Variants in CD47 observed in about 807,000 individuals in gnomAD.
CD47 encodes CD47 molecule.
CD47 carries 11 observed loss-of-function variants against 44.6 expected under a neutral mutation model. The observed-to-expected ratio is 0.25, with a 90% CI of 0.16 to 0.41. CD47 has a LOEUF of 0.41. CD47 is among the 10% of genes least tolerant of loss of function. The pLI, the probability that CD47 is intolerant of heterozygous loss-of-function variation, is 1.00. For missense variants in CD47, 306 were observed against 386.7 expected (o/e 0.79, Z 1.75); for synonymous variants, 140 against 136.3 (o/e 1.03, Z -0.19).
chr3:108,080,085 C>T lies in CD47; in HGVS notation c.306G>A (p.Lys102=), dbSNP rs2079387756. The T allele has an allele frequency of 6.2e-7, 1 of 1,613,158 alleles. No individual in the cohort carries two copies. Among genetic ancestry groups the T allele is most frequent in the Non-Finnish European group, 8.5e-7 (1 of 1,179,248 alleles). The change falls in exon 2 of 11, where the codon AAG becomes AAA. Residue 102 remains lysine, a synonymous_variant. Coordinates refer to ENST00000361309, the MANE Select transcript of CD47 (RefSeq NM_001777.4). ...LKGDASLKMD[K]SDAVSHTGNY... ...TTCCTGTGTGTGAGACAGCATCACT[C>T]TTATCCATCTTCAAAGAGGCATCTC...
chr3:108,064,934 T>C lies in CD47; in HGVS notation c.491-4082A>G, dbSNP rs1252046308. Among the ~76,000 whole-genome samples, 3 of 152,330 alleles carry C rather than the reference T, an allele frequency of 2.0e-5. No individual in the cohort carries two copies. In the East Asian group the frequency reaches 5.8e-4, roughly 29 times the overall value. On this transcript the variant is annotated intron_variant, in intron 3 of 10. Coordinates refer to ENST00000361309, the MANE Select transcript of CD47 (RefSeq NM_001777.4). ...CTTTACACATAAAATTACAATTTCATTTTTTAAATTGTTTAAATTTAAATT... is the reference window on the plus strand; with the variant it reads ...CTTTACACATAAAATTACAATTTCACTTTTTAAATTGTTTAAATTTAAATT...
rs955543314 is a variant in CD47, at chr3:108,088,746, T to C, written c.46+2117A>G. ...TAGCTAATAAATACCACTGAAACTA[T>C]GCACTTTTAAACAAAGTATAATTGT... On this transcript the variant is annotated intron_variant, in intron 1 of 10. Coordinates refer to ENST00000361309, the MANE Select transcript of CD47 (RefSeq NM_001777.4). Among the ~76,000 whole-genome samples, 6 of 152,248 alleles carry C rather than the reference T, an allele frequency of 3.9e-5. No homozygotes were observed. The South Asian group carries it at 8.3e-4, about 21-fold the overall frequency.
chr3:108,084,616 C>G (rs2079482862), intron 1 of CD47, among the ~76,000 whole-genome samples: 1 of 152,128 alleles, frequency 6.6e-6, no homozygotes. Flanking sequence ...TGCACTTCCA[C>G]TTGGATGTAA....
intron 3 of CD47, among the ~76,000 whole-genome samples, chr3:108,070,002 CCT>C (rs752106856): frequency 6.6e-6 from 1 of 152,118 alleles, no homozygotes; most frequent in Non-Finnish European, 1.5e-5. Context: ...CTTTCTTCCC[CCT>C]TTTTTCCTTT....
intron 2 of CD47, 78 bp from the exon 3 acceptor site, chr3:108,071,260 G>A: frequency 1.5e-6 from 1 of 658,034 alleles, no homozygotes; most frequent in Non-Finnish European, 2.6e-6. Context: ...TATAATACAT[G>A]CTTTATTATA....
At chr3:108,063,642 CA>C (rs1224072366) in intron 3 of CD47, among the ~76,000 whole-genome samples, 2 of 151,476 alleles carry the variant, frequency 1.3e-5, no homozygotes, top group African/African-American at 2.4e-5. Flanking sequence ...TTAAATGCAG[CA>C]AAAAAAATAA....
intron 1 of CD47, among the ~76,000 whole-genome samples, chr3:108,086,290 A>G (rs1479323659): frequency 6.6e-6 from 1 of 152,104 alleles, no homozygotes; most frequent in East Asian, 1.9e-4. Flanking sequence ...TAAAGGAAGG[A>G]CTGAGGGCAG....
chr3:108,054,510 TCTG>T (rs1260797232), intron 7 of CD47: 1 of 152,234 alleles, frequency 6.6e-6, no homozygotes, highest in Non-Finnish European at 1.5e-5. Context: ...TATTACGATT[TCTG>T]CTGCTACCAT....
At chr3:108,063,163 T>C (rs1227582918) in intron 3 of CD47, among the ~76,000 whole-genome samples, 1 of 152,208 alleles carries the variant, frequency 6.6e-6, no homozygotes, top group East Asian at 1.9e-4. Context: ...GTAGTTTTGG[T>C]TCCTGTTGAT....
chr3:108,083,625 T>C (rs1275402661), intron 1 of CD47, among the ~76,000 whole-genome samples: 1 of 152,070 alleles, frequency 6.6e-6, no homozygotes, highest in Admixed American at 6.6e-5. Flanking sequence ...TACAGATTTC[T>C]AAGAAAATTC....
rs1332502435 is a variant in CD47, at chr3:108,044,037, G to A, written c.*3251C>T. ...AAATAAAATACAATAAAAAATAAAC[G>A]GTTGCCCGACAATCATTTCTCCAGT... On this transcript the variant is annotated 3_prime_UTR_variant, in exon 11 of 11. Coordinates refer to ENST00000361309, the MANE Select transcript of CD47 (RefSeq NM_001777.4). 2 of 152,528 alleles carry A rather than the reference G, an allele frequency of 1.3e-5. No homozygotes were observed. The highest frequency in any genetic ancestry group is 4.8e-5 in the African/African-American group (2 of 41,426). The allele number at this position is 152,528 out of a possible 1,614,324, so 9.4% of individuals were successfully genotyped here.
chr3:108,046,301 T>C lies in CD47; in HGVS notation c.*987A>G, dbSNP rs1407487323. ...TTGTTGCCATGCAGGAGACTCATAG[T>C]TCAAATTTCAATCTTGCTTTTTTCA... On this transcript the variant is annotated 3_prime_UTR_variant, in exon 11 of 11. Coordinates refer to ENST00000361309, the MANE Select transcript of CD47 (RefSeq NM_001777.4). 2.0e-5 allele frequency: 3 copies of C among 152,638 alleles called. No homozygotes were observed. Among genetic ancestry groups the C allele is most frequent in the African/African-American group, 7.2e-5 (3 of 41,446 alleles). The allele number at this position is 152,638 out of a possible 1,614,324, so 9.5% of individuals were successfully genotyped here.
intron 3 of CD47, among the ~76,000 whole-genome samples, chr3:108,065,760 C>T (rs1043668955): frequency 3.3e-4 from 44 of 133,104 alleles, no homozygotes; most frequent in African/African-American, 1.2e-3. Context: ...TGCAGTGAGC[C>T]GAGATCACGC....
At chr3:108,050,362 C>T (rs944193827) in intron 9 of CD47, among the ~76,000 whole-genome samples, 5 of 152,242 alleles carry the variant, frequency 3.3e-5, no homozygotes, top group African/African-American at 4.8e-5. Flanking sequence ...GTGATCTGCC[C>T]GCCTTGGCCT....
chr3:108,049,189 C>T (rs1433378811), intron 10 of CD47, among the ~76,000 whole-genome samples: 1 of 149,958 alleles, frequency 6.7e-6, no homozygotes, highest in South Asian at 2.1e-4. Context: ...AACCAAGCTC[C>T]TGATTGGAAA....
chr3:108,073,987 GA>G, intron 2 of CD47, among the ~76,000 whole-genome samples: 1 of 152,348 alleles, frequency 6.6e-6, no homozygotes, highest in Middle Eastern at 3.4e-3. Context: ...TTTCATCACA[GA>G]GAGGTATAAA....
chr3:108,061,414 CA>C (rs2079014372), intron 3 of CD47, among the ~76,000 whole-genome samples: 1 of 151,674 alleles, frequency 6.6e-6, no homozygotes, highest in African/African-American at 2.4e-5. Flanking sequence ...AATTAGTAAA[CA>C]ATCTGGAAAT....
chr3:108,074,501 A>G (rs1413479052), intron 2 of CD47, among the ~76,000 whole-genome samples: 2 of 151,910 alleles, frequency 1.3e-5, no homozygotes, highest in African/African-American at 4.8e-5. Flanking sequence ...TTTGGTAGAG[A>G]CAGGGTTTTA....
At chr3:108,062,790 C>T (rs549311324) in intron 3 of CD47, among the ~76,000 whole-genome samples, 30 of 151,066 alleles carry the variant, frequency 2.0e-4, no homozygotes, top group African/African-American at 5.6e-4. Context: ...TACAGGCATG[C>T]GCCACCAGGC....
Sources: allele counts gnomAD v4.1 joint callset (sites outside exome capture counted in the v4.1 genomes callset), GRCh38; gene constraint gnomAD v4.1.1; transcripts MANE v1.5; gene names NCBI Gene and HGNC (gene_info 2026-07-23, HGNC 2026-07-21).